The following EGFL6 variants were observed in gnomAD, a reference collection of about 807,000 sequenced individuals.
EGFL6 encodes the protein EGF like domain multiple 6.
Under a neutral mutation model 43.1 loss-of-function variants are expected in EGFL6, and 42 were observed. That is an observed-to-expected ratio of 0.98 (90% CI 0.76 to 1.26). EGFL6 has a LOEUF of 1.26. Ranked by LOEUF, EGFL6 falls within the 50% of genes most tolerant of loss-of-function variation. The probability of loss-of-function intolerance (pLI) is 0.00; values close to 1 mark genes in which losing one functional copy is unlikely to be tolerated. For synonymous variants in EGFL6, 164 were observed against 163.2 expected (o/e 1.01, Z -0.04); for missense variants, 429 against 427.8 (o/e 1.00, Z -0.02).
At chrX:13,631,048 C>T (rs779692228) in intron 11 of EGFL6, among the ~76,000 whole-genome samples, 1 of 112,664 alleles carries the variant, frequency 8.9e-6, no homozygotes, top group African/African-American at 3.2e-5. Flanking sequence ...TTTTATATTT[C>T]ACATTTTACT....
chrX:13,591,451 T>C (rs1041022609), intron 2 of EGFL6, among the ~76,000 whole-genome samples: 3 of 111,991 alleles, frequency 2.7e-5, no homozygotes, highest in Non-Finnish European at 3.8e-5. Flanking sequence ...GCACACCTAC[T>C]GCTCCAGTCA....
chrX:13,594,760 C>T (rs949702228), intron 2 of EGFL6, 76 bp from the exon 3 acceptor site: 64 of 938,201 alleles, frequency 6.8e-5, no homozygotes, highest in Non-Finnish European at 9.2e-5. Flanking sequence ...CCACACAGAA[C>T]GCAGCGAAGT....
chrX:13,591,689 C>G (rs2045563843), intron 2 of EGFL6, among the ~76,000 whole-genome samples: 2 of 110,871 alleles, frequency 1.8e-5, no homozygotes, highest in Admixed American at 9.6e-5. Flanking sequence ...AGACCCCAGG[C>G]TGTGAGGTCA....
At chrX:13,626,498 T>G (rs967833627) in intron 10 of EGFL6, among the ~76,000 whole-genome samples, 4 of 112,076 alleles carry the variant, frequency 3.6e-5, no homozygotes, top group Non-Finnish European at 7.5e-5. Context: ...AATCAGAAAT[T>G]GGAGTGATAT....
intron 9 of EGFL6, 92 bp downstream of exon 9, chrX:13,619,335 C>A: frequency 1.3e-6 from 1 of 792,219 alleles, no homozygotes; most frequent in East Asian, 3.3e-5. Context: ...TTATGAATCC[C>A]TGCTTCATTC....
chrX:13,602,679 C>T (rs1196171474), intron 4 of EGFL6, among the ~76,000 whole-genome samples: 2 of 111,903 alleles, frequency 1.8e-5, no homozygotes, highest in Non-Finnish European at 3.8e-5. Flanking sequence ...AGAAGCCCCA[C>T]TCCCTCCAGT....
rs752555793 is a variant in EGFL6 at position 13,606,487 on chromosome X, A to G, written c.629A>G (p.Tyr210Cys). 3.3e-6 allele frequency: 4 copies of G among 1,209,914 alleles called. No homozygotes were observed. The African/African-American group carries it at 7.0e-5, about 21-fold the overall frequency. The change falls in exon 6 of 12, where the codon TAT becomes TGT. Residue 210 changes from tyrosine (Y) to cysteine (C), a missense_variant. Tyr to Cys is a radical substitution (Grantham distance 194, BLOSUM62 -2). Coordinates refer to ENST00000361306, the MANE Select transcript of EGFL6 (RefSeq NM_015507.4). Reference protein sequence around the residue: ...CKCHIGFELQYISGRYDCIDI... With the variant: ...CKCHIGFELQCISGRYDCIDI... The stretch of plus-strand genomic sequence containing the variant: ...TGTCACATTGGTTTCGAACTGCAAT[A>G]TATCAGTGGACGATATGACTGTATA...
chrX:13,590,686 C>T (rs966980631), intron 2 of EGFL6, among the ~76,000 whole-genome samples: 10 of 111,927 alleles, frequency 8.9e-5, no homozygotes, highest in African/African-American at 3.3e-4. Flanking sequence ...TGATAATATC[C>T]AAAATCTATA....
At chrX:13,611,556 T>C (rs1053539425) in intron 7 of EGFL6, among the ~76,000 whole-genome samples, 1 of 112,291 alleles carries the variant, frequency 8.9e-6, no homozygotes, top group Non-Finnish European at 1.9e-5. Context: ...AACCGCAATG[T>C]ATTATTAATG....
intron 8 of EGFL6, among the ~76,000 whole-genome samples, chrX:13,618,931 T>C (rs1293216320): frequency 9.0e-6 from 1 of 111,669 alleles, no homozygotes; most frequent in Non-Finnish European, 1.9e-5. Flanking sequence ...TGAAGGGATG[T>C]ATCAAGAGTG....
chrX:13,577,740 G>A (rs896848061), intron 1 of EGFL6, among the ~76,000 whole-genome samples: 1 of 112,246 alleles, frequency 8.9e-6, no homozygotes, highest in African/African-American at 3.2e-5. Flanking sequence ...GATACAGAAA[G>A]TGGACTGGCC....
intron 1 of EGFL6, 67 bp from the exon 2 acceptor site, chrX:13,589,489 T>C: frequency 1.1e-6 from 1 of 902,092 alleles, no homozygotes; most frequent in Non-Finnish European, 1.5e-6. Context: ...GTTCTTTTAG[T>C]AGTAGGGAAG....
At chrX:13,598,171 G>A (rs1326250786) in intron 3 of EGFL6, among the ~76,000 whole-genome samples, 2 of 112,066 alleles carry the variant, frequency 1.8e-5, no homozygotes, top group African/African-American at 6.5e-5. Context: ...ATATTCCTGG[G>A]TTTCCCGTTA....
At chrX:13,616,468 G>C (rs1271549901) in intron 7 of EGFL6, among the ~76,000 whole-genome samples, 2 of 110,562 alleles carry the variant, frequency 1.8e-5, no homozygotes, top group Non-Finnish European at 3.8e-5. Flanking sequence ...AAATTAGCCA[G>C]GTGTGGTGGC....
chrX:13,600,002 G>T lies in EGFL6; in HGVS notation c.308G>T (p.Arg103Leu), dbSNP rs761671994. The T allele has an allele frequency of 3.3e-6, 4 of 1,210,253 alleles. No individual in the cohort carries two copies. In the Admixed American group the frequency reaches 6.5e-5, roughly 20 times the overall value. ...GTGAATGAGTGTGGAATGAAACCCCGGCCATGCCAACACAGATGTGTGAAT... is the reference window on the plus strand; with the variant it reads ...GTGAATGAGTGTGGAATGAAACCCCTGCCATGCCAACACAGATGTGTGAAT... ...QDVNECGMKP[R>L]PCQHRCVNTH... Residue 103 changes from arginine (R) to leucine (L), a missense_variant, in exon 4 of 12, where the codon CGG becomes CTG. Coordinates refer to ENST00000361306, the MANE Select transcript of EGFL6 (RefSeq NM_015507.4).
At chrX:13,594,465 AGATTTT>A (rs2045585327) in intron 2 of EGFL6, among the ~76,000 whole-genome samples, 1 of 112,013 alleles carries the variant, frequency 8.9e-6, no homozygotes, top group South Asian at 3.7e-4. Flanking sequence ...CAGCATTAAA[AGATTTT>A]GATCATTTAA....
chrX:13,587,546 T>G (rs1177545974), intron 1 of EGFL6, among the ~76,000 whole-genome samples: 1 of 111,924 alleles, frequency 8.9e-6, no homozygotes, highest in Non-Finnish European at 1.9e-5. Flanking sequence ...TGTTGCTAAC[T>G]GTAGTCACCC....
Position 13,606,335 on chromosome X carries a change from A to G in EGFL6, c.521-44A>G, listed in dbSNP as rs752433111. On this transcript the variant is annotated intron_variant, in intron 5 of 11. Transcript: ENST00000361306. Reference sequence around the variant, plus strand: ...TGTGCGTGCGTGCATGTATGTGGCTACTTTTCTTGCTATCACTGACACCTT... The same window carrying G: ...TGTGCGTGCGTGCATGTATGTGGCTGCTTTTCTTGCTATCACTGACACCTT... The G allele has an allele frequency of 2.0e-5, 24 of 1,198,206 alleles. No homozygotes were observed. In the South Asian group the frequency reaches 2.9e-4, roughly 14 times the overall value.
In EGFL6 at chrX:13,617,851, C is replaced by G. The variant is rs2045727227; in HGVS notation, c.900C>G (p.Thr300=). ...AGAAGGCAAAAATTAAAAATGTTAC[C>G]CCAGAACCCACCAGGACTCCTACCC... The part of the protein sequence containing the change: ...MKKKAKIKNV[T]PEPTRTPTPK... The change falls in exon 8 of 12, where the codon ACC becomes ACG. Residue 300 remains threonine, a synonymous_variant. Transcript: ENST00000361306. 8.3e-7 allele frequency: 1 copy of G among 1,209,120 alleles called. No homozygotes were observed. Among genetic ancestry groups the G allele is most frequent in the Non-Finnish European group, 1.1e-6 (1 of 894,992 alleles).
Sources: allele counts gnomAD v4.1 joint callset (sites outside exome capture counted in the v4.1 genomes callset), GRCh38; gene constraint gnomAD v4.1.1; transcripts MANE v1.5; gene names NCBI Gene and HGNC (gene_info 2026-07-23, HGNC 2026-07-21).